HAPSTR1: variants seen among roughly 807,000 people sequenced by gnomAD.
HAPSTR1 encodes HUWE1-associated protein modifying stress responses 1.
the HAPSTR1 span, chr16:9,118,429 A>G: frequency 6.6e-6 from 1 of 152,656 alleles, no homozygotes. Context: ...TGAGTTAACC[A>G]TAAATGTTCA....
the HAPSTR1 span, chr16:9,113,291 A>G: frequency 6.6e-6 from 1 of 152,216 alleles, no homozygotes; most frequent in African/African-American, 2.4e-5. Flanking sequence ...AGAGTCAGTC[A>G]TAGATCATAT....
At chr16:9,092,877 T>A in the HAPSTR1 span, 6 of 1,502,448 alleles carry the variant, frequency 4.0e-6, no homozygotes, top group Non-Finnish European at 4.5e-6. Flanking sequence ...TATGTGTGTT[T>A]CTTTTTTCTT....
At chr16:9,110,490 T>G in the HAPSTR1 span, 1 of 152,312 alleles carries the variant, frequency 6.6e-6, no homozygotes, top group South Asian at 2.1e-4. Flanking sequence ...CTTTCGTTTG[T>G]CAAAACATTC....
the HAPSTR1 span, among the ~76,000 whole-genome samples, chr16:9,092,479 C>A: frequency 3.3e-5 from 5 of 152,102 alleles, no homozygotes; most frequent in Admixed American, 6.5e-5. Flanking sequence ...CCAGAGCCGG[C>A]GTGGGGGTAG....
At chr16:9,091,650 T>G in the HAPSTR1 span, 1 of 398,026 alleles carries the variant, frequency 2.5e-6, no homozygotes, top group Non-Finnish European at 4.4e-6. Flanking sequence ...CGTTGCTCAG[T>G]CTTGGGGTGG....
the HAPSTR1 span, among the ~76,000 whole-genome samples, chr16:9,097,673 C>G: frequency 6.6e-6 from 1 of 152,328 alleles, no homozygotes; most frequent in Middle Eastern, 3.4e-3. Flanking sequence ...AATTGAGCAG[C>G]CCAGGCTCCC....
chr16:9,102,595 G>A, the HAPSTR1 span, among the ~76,000 whole-genome samples: 2 of 152,212 alleles, frequency 1.3e-5, no homozygotes, highest in African/African-American at 4.8e-5. Flanking sequence ...TCTGTCAGTA[G>A]GAATGTATCT....
the HAPSTR1 span, chr16:9,117,261 T>TG: frequency 2.5e-5 from 2 of 78,860 alleles, no homozygotes; most frequent in Non-Finnish European, 5.8e-5. Flanking sequence ...TATAGAATGC[T>TG]TTTTTTTTTT....
chr16:9,113,370 G>A, the HAPSTR1 span, among the ~76,000 whole-genome samples: 2 of 152,154 alleles, frequency 1.3e-5, no homozygotes, highest in African/African-American at 4.8e-5. Context: ...TTTCCCAGAA[G>A]CTGTTAGAAT....
At chr16:9,092,012 C>G in the HAPSTR1 span, 10 of 1,471,470 alleles carry the variant, frequency 6.8e-6, no homozygotes, top group Non-Finnish European at 7.2e-6. Flanking sequence ...GACGCGGCGG[C>G]GGTGGCGGCG....
chr16:9,103,062 C>A, the HAPSTR1 span: 1 of 1,614,054 alleles, frequency 6.2e-7, no homozygotes, highest in Non-Finnish European at 8.5e-7. Context: ...GATGTGTTGG[C>A]TTGGGTTAAA....
the HAPSTR1 span, chr16:9,093,025 C>G: frequency 6.3e-7 from 1 of 1,596,562 alleles, no homozygotes; most frequent in Admixed American, 1.7e-5. Flanking sequence ...TGCTGCATTG[C>G]CGATTCAGGG....
the HAPSTR1 span, chr16:9,103,309 T>C: frequency 6.4e-7 from 1 of 1,565,900 alleles, no homozygotes; most frequent in South Asian, 1.2e-5. Context: ...AGAGGGTGCC[T>C]GTGGACCCAT....
the HAPSTR1 span, among the ~76,000 whole-genome samples, chr16:9,093,416 A>C: frequency 6.6e-6 from 1 of 152,206 alleles, no homozygotes; most frequent in Non-Finnish European, 1.5e-5. Flanking sequence ...TGGAAAAGAC[A>C]TTGAGGGAAG....
At chr16:9,118,498 T>G in the HAPSTR1 span, 15 of 152,680 alleles carry the variant, frequency 9.8e-5, no homozygotes, top group Non-Finnish European at 2.1e-4. Context: ...ATTGAAGTTC[T>G]GTATTCATTA....
At chr16:9,106,505 C>T in the HAPSTR1 span, 1 of 151,832 alleles carries the variant, frequency 6.6e-6, no homozygotes, top group Non-Finnish European at 1.5e-5. Context: ...GTCTTGAACA[C>T]CTGACCTCAA....
At chr16:9,094,622 C>T in the HAPSTR1 span, among the ~76,000 whole-genome samples, 2 of 152,162 alleles carry the variant, frequency 1.3e-5, no homozygotes, top group East Asian at 3.9e-4. Context: ...CCTATTGTGT[C>T]TGGCTTGTTC....
At chr16:9,092,776 G>A in the HAPSTR1 span, 1 of 876,888 alleles carries the variant, frequency 1.1e-6, no homozygotes, top group South Asian at 1.8e-5. Flanking sequence ...TTGGGATCCC[G>A]AAACCCCTGA....
At chr16:9,091,703 A>AGCGGCG in the HAPSTR1 span, 1 of 399,838 alleles carries the variant, frequency 2.5e-6, no homozygotes, top group African/African-American at 2.1e-5. Context: ...CTCGGCGATC[A>AGCGGCG]GCGGCGGCGG....
Sources: gnomAD v4.1 joint callset for allele counts (sites outside exome capture counted in the v4.1 genomes callset) on GRCh38, gnomAD v4.1.1 for gene constraint, MANE v1.5 for transcripts, NCBI Gene and HGNC (gene_info 2026-07-23, HGNC 2026-07-21) for gene names.